The following FRMD4A variants were observed in gnomAD, a reference collection of about 807,000 sequenced individuals.
FRMD4A encodes the protein FERM domain containing 4A, also known as FERM domain-containing protein 4A.
A neutral mutation model predicts 129.1 loss-of-function variants in FRMD4A; 29 were observed. The observed-to-expected ratio is 0.22, with a 90% CI of 0.17 to 0.31. The LOEUF (loss-of-function observed/expected upper bound fraction) is 0.31. Among genes scored for constraint, FRMD4A ranks in the 10% least tolerant of loss-of-function variants. The pLI, the probability that FRMD4A is intolerant of heterozygous loss-of-function variation, is 1.00. For missense variants in FRMD4A, 1,272 were observed against 1,375.8 expected, an observed-to-expected ratio of 0.92 and a Z score of 1.19; for synonymous variants, 634 against 571.6, an observed-to-expected ratio of 1.11 and a Z score of -1.56.
chr10:14,206,820 A>AAAAAAAAAAAG (rs1429238276), intron 2 of FRMD4A, among the ~76,000 whole-genome samples: 23,573 of 123,180 alleles, frequency 0.19, 3,817 homozygotes, highest in East Asian at 0.35. Context: ...AAAAAAAAAA[A>AAAAAAAAAAAG]AGAGAGACAG....
intron 14 of FRMD4A, 97 bp downstream of exon 14, chr10:13,701,243 C>T: frequency 8.9e-7 from 1 of 1,128,806 alleles, no homozygotes; most frequent in Non-Finnish European, 1.3e-6. Flanking sequence ...TGGACCCGGG[C>T]AAGGGACATG....
At chr10:13,855,303 C>T (rs1045769722) in intron 3 of FRMD4A, among the ~76,000 whole-genome samples, 1 of 152,290 alleles carries the variant, frequency 6.6e-6, no homozygotes, top group Admixed American at 6.5e-5. Context: ...ATGCCGTCAG[C>T]TTTCTCGCCC....
At chr10:13,959,848 C>T (rs1470700598) in intron 2 of FRMD4A, among the ~76,000 whole-genome samples, 20 of 152,182 alleles carry the variant, frequency 1.3e-4, no homozygotes, top group Non-Finnish European at 2.8e-4. Flanking sequence ...AGGCACTTCC[C>T]CTCGCTCTGA....
intron 2 of FRMD4A, among the ~76,000 whole-genome samples, chr10:14,250,956 T>C (rs1408616954): frequency 6.6e-6 from 1 of 152,194 alleles, no homozygotes; most frequent in African/African-American, 2.4e-5. Context: ...CTTAGAAAGT[T>C]AGCATTCCAT....
chr10:14,004,517 G>A lies in FRMD4A; in HGVS notation c.46-145605C>T, dbSNP rs564647499. On this transcript the variant is annotated intron_variant, in intron 2 of 24. Transcript: ENST00000357447. Reference sequence around the variant, plus strand: ...AGATCGTGCCACTGAACTCCAGCCCGGGCAACACAGCGAGACTCTGTCTCA... The same window carrying A: ...AGATCGTGCCACTGAACTCCAGCCCAGGCAACACAGCGAGACTCTGTCTCA... Among the ~76,000 whole-genome samples the A allele has an allele frequency of 1.6e-4, 25 of 152,158 alleles. 1 individual carries two copies. Among genetic ancestry groups the A allele is most frequent in the Admixed American group, 4.6e-4 (7 of 15,294 alleles).
chr10:14,278,696 G>T (rs1845420867), intron 2 of FRMD4A, among the ~76,000 whole-genome samples: 1 of 152,152 alleles, frequency 6.6e-6, no homozygotes. Context: ...TTTGAATGGG[G>T]ATCATGCGTT....
chr10:13,865,799 T>C (rs1352024236), intron 2 of FRMD4A, among the ~76,000 whole-genome samples: 1 of 152,038 alleles, frequency 6.6e-6, no homozygotes, highest in Non-Finnish European at 1.5e-5. Context: ...GAAAAAAACA[T>C]GTGTTTTTTA....
intron 5 of FRMD4A, among the ~76,000 whole-genome samples, chr10:13,784,974 G>C (rs1332735015): frequency 7.1e-6 from 1 of 139,942 alleles, no homozygotes; most frequent in African/African-American, 2.7e-5. Context: ...CTGAACAACA[G>C]AGGGAGACTC....
chr10:14,089,407 A>C (rs1170929658), intron 2 of FRMD4A, among the ~76,000 whole-genome samples: 1 of 152,118 alleles, frequency 6.6e-6, no homozygotes. Flanking sequence ...GGCTGGCCCA[A>C]GTCTGCATTG....
intron 2 of FRMD4A, among the ~76,000 whole-genome samples, chr10:13,980,607 C>A (rs772910311): frequency 2.0e-5 from 3 of 152,064 alleles, no homozygotes; most frequent in Non-Finnish European, 4.4e-5. Flanking sequence ...TAAGTCCCAG[C>A]TACTTGGGAA....
intron 2 of FRMD4A, among the ~76,000 whole-genome samples, chr10:13,989,259 C>T (rs1428066611): frequency 3.3e-5 from 5 of 152,148 alleles, no homozygotes; most frequent in Non-Finnish European, 7.3e-5. Context: ...CACCCTAACA[C>T]CTACCAGCCC....
At chr10:13,990,429 T>C (rs1393034076) in intron 2 of FRMD4A, among the ~76,000 whole-genome samples, 6 of 152,152 alleles carry the variant, frequency 3.9e-5, no homozygotes. Flanking sequence ...TGGCCTGTCT[T>C]GTCTGTTGGG....
intron 2 of FRMD4A, among the ~76,000 whole-genome samples, chr10:14,311,165 C>G (rs1355465073): frequency 6.6e-6 from 1 of 152,126 alleles, no homozygotes; most frequent in Non-Finnish European, 1.5e-5. Flanking sequence ...CCTTTGTGGT[C>G]CCACACTTGG....
chr10:13,977,855 A>C (rs537823963), intron 2 of FRMD4A, among the ~76,000 whole-genome samples: 3 of 152,150 alleles, frequency 2.0e-5, no homozygotes, highest in African/African-American at 7.2e-5. Flanking sequence ...ATAATATTTG[A>C]TTATGTGGAA....
chr10:13,893,515 C>T (rs77125004), intron 2 of FRMD4A, among the ~76,000 whole-genome samples: 2,702 of 152,070 alleles, frequency 0.018, 129 homozygotes, highest in East Asian at 0.18. Context: ...AATGTTCAGA[C>T]CTACAACATT....
chr10:14,100,709 A>ATATAT (rs1177996292), intron 2 of FRMD4A, among the ~76,000 whole-genome samples: 1 of 151,092 alleles, frequency 6.6e-6, no homozygotes, highest in Non-Finnish European at 1.5e-5. Flanking sequence ...AATAGAACAT[A>ATATAT]TATATATATA....
chr10:14,006,822 A>G (rs1208123021), intron 2 of FRMD4A, among the ~76,000 whole-genome samples: 2 of 152,234 alleles, frequency 1.3e-5, no homozygotes, highest in Non-Finnish European at 2.9e-5. Context: ...AGCTATTGGA[A>G]TAACATGAAA....
At chr10:13,799,042 TG>T (rs1398401288) in intron 4 of FRMD4A, among the ~76,000 whole-genome samples, 24 of 152,170 alleles carry the variant, frequency 1.6e-4, no homozygotes, top group Middle Eastern at 6.8e-3. Context: ...CCGGGTGGGA[TG>T]GGGGGGTCCT....
At chr10:13,671,091 A>G (rs1450150441) in intron 16 of FRMD4A, among the ~76,000 whole-genome samples, 1 of 152,224 alleles carries the variant, frequency 6.6e-6, no homozygotes, top group South Asian at 2.1e-4. Context: ...TAAGGATAGT[A>G]ACCTACTCTG....
Sources: gnomAD v4.1 joint callset for allele counts (sites outside exome capture counted in the v4.1 genomes callset) on GRCh38, gnomAD v4.1.1 for gene constraint, MANE v1.5 for transcripts, NCBI Gene and HGNC (gene_info 2026-07-23, HGNC 2026-07-21) for gene names.